Variants in C1QTNF3 observed in about 807,000 individuals in gnomAD.
The protein encoded by C1QTNF3 is C1q and TNF related 3.
C1QTNF3 carries 26 observed loss-of-function variants against 32.6 expected under a neutral mutation model. That is an observed-to-expected ratio of 0.80 (90% CI 0.58 to 1.11). The LOEUF (loss-of-function observed/expected upper bound fraction) is 1.11, where lower values mean the gene tolerates loss of function less well. Among genes scored for constraint, C1QTNF3 ranks in the 50% least tolerant of loss-of-function variants. C1QTNF3 has a pLI of 0.00. For missense variants in C1QTNF3, 362 were observed against 398.2 expected (o/e 0.91, Z 0.77); for synonymous variants, 155 against 146.0 (o/e 1.06, Z -0.44).
At chr5:34,181,809 C>T in the C1QTNF3 span, among the ~76,000 whole-genome samples, 12,233 of 112,814 alleles carry the variant, frequency 0.11, 2 homozygotes, top group East Asian at 0.28. Flanking sequence ...CCCCAGAAGT[C>T]GCCTCTGGGC....
At chr5:34,070,036 GA>G in the C1QTNF3 span, among the ~76,000 whole-genome samples, 1 of 152,148 alleles carries the variant, frequency 6.6e-6, no homozygotes, top group Non-Finnish European at 1.5e-5. Flanking sequence ...ATAATTAACA[GA>G]AAGTACTTGT....
At chr5:34,101,764 C>T in the C1QTNF3 span, among the ~76,000 whole-genome samples, 10 of 152,200 alleles carry the variant, frequency 6.6e-5, no homozygotes, top group African/African-American at 2.4e-4. Context: ...ATAGATTAGG[C>T]CAGCCTCTTT....
chr5:34,052,928 T>C, the C1QTNF3 span, among the ~76,000 whole-genome samples: 52 of 152,306 alleles, frequency 3.4e-4, no homozygotes, highest in African/African-American at 1.1e-3. Flanking sequence ...TGGGACAAAT[T>C]ATGCCTCCAC....
chr5:34,107,694 T>C, the C1QTNF3 span, among the ~76,000 whole-genome samples: 3 of 151,962 alleles, frequency 2.0e-5, no homozygotes, highest in Non-Finnish European at 4.4e-5. Context: ...AGGACCTGTA[T>C]AAATAATGCC....
At chr5:34,082,742 G>C in the C1QTNF3 span, among the ~76,000 whole-genome samples, 1 of 151,724 alleles carries the variant, frequency 6.6e-6, no homozygotes, top group East Asian at 1.9e-4. Flanking sequence ...GGGTCAGCCA[G>C]TGTCTTCTTT....
the C1QTNF3 span, among the ~76,000 whole-genome samples, chr5:34,197,318 G>GT: frequency 6.6e-6 from 1 of 152,304 alleles, no homozygotes; most frequent in Non-Finnish European, 1.5e-5. Context: ...AAAATGGTCT[G>GT]TAATATTCTT....
intron 2 of C1QTNF3, among the ~76,000 whole-genome samples, chr5:34,035,278 G>T (rs1412343415): frequency 1.3e-5 from 2 of 152,200 alleles, no homozygotes; most frequent in Non-Finnish European, 2.9e-5. Context: ...AGAGACGGCT[G>T]AACATGGAGA....
the C1QTNF3 span, among the ~76,000 whole-genome samples, chr5:34,221,829 T>C: frequency 6.6e-6 from 1 of 152,078 alleles, no homozygotes; most frequent in Non-Finnish European, 1.5e-5. Flanking sequence ...TTACTTAATA[T>C]TTAAATCACT....
the C1QTNF3 span, among the ~76,000 whole-genome samples, chr5:34,064,162 C>T: frequency 7.3e-4 from 111 of 152,286 alleles, no homozygotes; most frequent in African/African-American, 2.6e-3. Flanking sequence ...CCAGCAGCCA[C>T]GCTAATCTTT....
the C1QTNF3 span, among the ~76,000 whole-genome samples, chr5:34,177,012 G>C: frequency 6.6e-6 from 1 of 152,142 alleles, no homozygotes; most frequent in African/African-American, 2.4e-5. Flanking sequence ...AGGCAACACA[G>C]TGAAACCCAG....
chr5:34,020,585 A>C lies in C1QTNF3; in HGVS notation c.958T>G (p.Ter320GluextTer4). 6.2e-7 allele frequency: 1 copy of C among 1,613,982 alleles called. No individual in the cohort carries two copies. The highest frequency in any genetic ancestry group is 8.5e-7 in the Non-Finnish European group (1 of 1,179,884). Residue 320 changes from the stop codon to glutamate, a stop_lost, in exon 6 of 6, where the codon TAA (stop) becomes GAA (glutamate). Transcript: ENST00000382065. ...FAGFLLFETK* is the reference protein window; with the variant it reads ...FAGFLLFETKE ...GTGGAGCTATTCTAGTCATATATTT[A>C]CTTAGTTTCAAAGAGCAGGAATCCT... is the stretch of plus-strand genomic sequence containing the variant.
chr5:34,176,206 G>A, the C1QTNF3 span, among the ~76,000 whole-genome samples: 1 of 142,986 alleles, frequency 7.0e-6, no homozygotes, highest in Non-Finnish European at 1.5e-5. Context: ...TGAACAATGA[G>A]ATCACATGGA....
At chr5:34,175,621 G>C in the C1QTNF3 span, 4 of 487,384 alleles carry the variant, frequency 8.2e-6, no homozygotes, top group African/African-American at 7.8e-5. Flanking sequence ...GACCGTATGT[G>C]GGAAGCGGGG....
At chr5:34,201,770 A>C in the C1QTNF3 span, among the ~76,000 whole-genome samples, 1 of 152,330 alleles carries the variant, frequency 6.6e-6, no homozygotes, top group South Asian at 2.1e-4. Context: ...GGAAATAAAA[A>C]CCGCAATAGG....
At chr5:34,208,324 C>T in the C1QTNF3 span, among the ~76,000 whole-genome samples, 1 of 152,186 alleles carries the variant, frequency 6.6e-6, no homozygotes, top group Admixed American at 6.5e-5. Flanking sequence ...CCTTTTAAAA[C>T]TCAATATCTA....
chr5:34,136,303 GA>G, the C1QTNF3 span, among the ~76,000 whole-genome samples: 3 of 152,154 alleles, frequency 2.0e-5, no homozygotes, highest in Admixed American at 6.5e-5. Flanking sequence ...CAATTTACAA[GA>G]AAAAAACAAA....
the C1QTNF3 span, among the ~76,000 whole-genome samples, chr5:34,080,408 G>A: frequency 3.3e-5 from 5 of 151,672 alleles, no homozygotes; most frequent in Non-Finnish European, 4.4e-5. Context: ...AACGAGTTTA[G>A]CTCCAGAGCC....
At chr5:34,175,718 C>T in the C1QTNF3 span, 1 of 648,508 alleles carries the variant, frequency 1.5e-6, no homozygotes, top group Admixed American at 2.4e-5. Context: ...CCAGCTTCCC[C>T]CCTTTGTTTC....
At chr5:34,060,766 C>T in the C1QTNF3 span, among the ~76,000 whole-genome samples, 1 of 152,130 alleles carries the variant, frequency 6.6e-6, no homozygotes, top group African/African-American at 2.4e-5. Flanking sequence ...CTCCATAATT[C>T]AATTACCTCC....
Sources: gnomAD v4.1 joint callset for allele counts (sites outside exome capture counted in the v4.1 genomes callset) on GRCh38, gnomAD v4.1.1 for gene constraint, MANE v1.5 for transcripts, NCBI Gene and HGNC (gene_info 2026-07-23, HGNC 2026-07-21) for gene names.